The following COL5A1 variants were observed in gnomAD, a reference collection of about 807,000 sequenced individuals.
COL5A1 encodes the protein collagen type V alpha 1 chain.
A neutral mutation model predicts 263.7 loss-of-function variants in COL5A1; 16 were observed. That is an observed-to-expected ratio of 0.06 (90% CI 0.04 to 0.09). The LOEUF (loss-of-function observed/expected upper bound fraction) is 0.09. COL5A1 is among the 10% of genes least tolerant of loss of function. The pLI, the probability that COL5A1 is intolerant of heterozygous loss-of-function variation, is 1.00. For missense variants in COL5A1, 2,036 were observed against 2,540.5 expected, an observed-to-expected ratio of 0.80 and a Z score of 4.27; for synonymous variants, 1,012 against 1,004.5, an observed-to-expected ratio of 1.01 and a Z score of -0.14.
At position 134,763,755 on chromosome 9, in the gene COL5A1, G is replaced by GTGGGAC; in HGVS notation, c.2034+19_2034+24dup. ...GGGAGCCCGTAAGTCTGTGAGCTGA[G>GTGGGAC]TGGGACGGTGGGGGCTCAGTGTGGA... On this transcript the variant is annotated intron_variant, in intron 20 of 65. Coordinates refer to ENST00000371817, the MANE Select transcript of COL5A1 (RefSeq NM_000093.5). The GTGGGAC allele has an allele frequency of 6.2e-7, 1 of 1,611,992 alleles. No individual in the cohort carries two copies. Among genetic ancestry groups the GTGGGAC allele is most frequent in the Non-Finnish European group, 8.5e-7 (1 of 1,178,354 alleles).
rs1488821649 is a variant in COL5A1, at chr9:134,681,434, G to T, written c.110-9478G>T. ...CCTGCAGTTCACAGCCCGTGGAGGA[G>T]ACACACGCTGCCCATGGAACACACA... On this transcript the variant is annotated intron_variant, in intron 1 of 65. Coordinates refer to ENST00000371817, the MANE Select transcript of COL5A1 (RefSeq NM_000093.5). This position sits in a 1 kb window ranked among gnomAD's most constrained non-coding sequence, Gnocchi z 4.3. Among the ~76,000 whole-genome samples the T allele has an allele frequency of 6.6e-6, 1 of 152,242 alleles. No homozygotes were observed. Among genetic ancestry groups the T allele is most frequent in the Non-Finnish European group, 1.5e-5 (1 of 68,044 alleles).
intron 4 of COL5A1, among the ~76,000 whole-genome samples, chr9:134,711,330 C>T (rs1029465642): frequency 6.6e-6 from 1 of 152,060 alleles, no homozygotes; most frequent in Admixed American, 6.5e-5. Flanking sequence ...GTCGTATAGA[C>T]CGTGCGCCTG....
rs138436047 is a variant in COL5A1 at position 134,824,689 on chromosome 9, G to C, written c.4788G>C (p.Gly1596=). The C allele has an allele frequency of 2.1e-4, 347 of 1,614,240 alleles. No individual in the cohort carries two copies. The African/African-American group carries it at 4.2e-3, about 19-fold the overall frequency. The change falls in exon 62 of 66, where the codon GGG becomes GGC. Residue 1596 remains glycine (G), a synonymous_variant. Transcript: ENST00000371817. ...NIDASQLLDD[G]NGENYVDYAD... is the part of the protein sequence containing the mutation. ...ACGCCAGCCAGCTGCTGGACGACGG[G>C]AATGGCGAGAACTACGTGGACTACG... is the stretch of plus-strand genomic sequence containing the variant.
At position 134,683,018 on chromosome 9, in the gene COL5A1, C is replaced by T. The variant is rs778578151; in HGVS notation, c.110-7894C>T. ...GGCCTCGTAGGAGCGTGCGATCCCA[C>T]GGCCTCAGACCCGGCTTCCTTCCTG... On this transcript the variant is annotated intron_variant, in intron 1 of 65. Transcript: ENST00000371817. Among the ~76,000 whole-genome samples, 7 of 152,224 alleles carry T rather than the reference C, an allele frequency of 4.6e-5. No individual in the cohort carries two copies. The East Asian group carries it at 9.6e-4, about 21-fold the overall frequency.
In COL5A1 at chr9:134,677,363, G is replaced by A. The variant is rs1404129759; in HGVS notation, c.110-13549G>A. ...TGGTGGAGCTGCCCTTGGTTCTCAG[G>A]TACATCCTTGTGCTGGGTTCCACTG... On this transcript the variant is annotated intron_variant, in intron 1 of 65. Coordinates refer to ENST00000371817, the MANE Select transcript of COL5A1 (RefSeq NM_000093.5). The surrounding 1 kb of genome is among the most constrained non-coding windows in gnomAD (Gnocchi z 4.4). Among the ~76,000 whole-genome samples the A allele has an allele frequency of 6.6e-6, 1 of 152,056 alleles. No homozygotes were observed.
chr9:134,702,559 A>G (rs978202274), intron 4 of COL5A1, among the ~76,000 whole-genome samples: 5 of 152,146 alleles, frequency 3.3e-5, no homozygotes, highest in African/African-American at 1.2e-4. Context: ...CGCGAAGGAG[A>G]CATCACACGT....
rs972498552 is a variant in COL5A1 at position 134,798,161 on chromosome 9, T to C, written c.2899-247T>C. ...TCTTATGCCTCGGTTTCTCCCTTGGTAGATGAGGGTGACAACAGCACGTCC... is the reference window on the plus strand; with the variant it reads ...TCTTATGCCTCGGTTTCTCCCTTGGCAGATGAGGGTGACAACAGCACGTCC... On this transcript the variant is annotated intron_variant, in intron 36 of 65. Transcript: ENST00000371817. Among the ~76,000 whole-genome samples the C allele has an allele frequency of 1.8e-4, 27 of 152,196 alleles. No homozygotes were observed. The Middle Eastern group carries it at 0.014, about 77-fold the overall frequency.
chr9:134,818,610 G>T lies in COL5A1; in HGVS notation c.4231-46G>T, dbSNP rs766846300. ...GCAGTGGTCCTGGGCCAGGGTGCCT[G>T]GAGCCTAGAGCTCCGGACCTCATTC... On this transcript the variant is annotated intron_variant, in intron 54 of 65. Transcript: ENST00000371817. The surrounding 1 kb of genome is among the most constrained non-coding windows in gnomAD (Gnocchi z 6.0). The T allele has an allele frequency of 4.1e-6, 6 of 1,453,778 alleles. No individual in the cohort carries two copies. Among genetic ancestry groups the T allele is most frequent in the Non-Finnish European group, 5.7e-6 (6 of 1,050,156 alleles). 90.1% of individuals were successfully genotyped at this position (1,453,778 alleles called of 1,614,324 possible). A position where few individuals can be genotyped will look rare whatever the true frequency, so the allele number is the denominator to read the frequency against.
Position 134,738,901 on chromosome 9 carries a change from G to A in COL5A1, c.1494+93G>A, listed in dbSNP as rs975915024. 12 of 1,048,222 alleles carry A rather than the reference G, an allele frequency of 1.1e-5. No individual in the cohort carries two copies. The African/African-American group carries it at 1.9e-4, about 16-fold the overall frequency. The allele number at this position is 1,048,222 out of a possible 1,614,324, so 64.9% of individuals were successfully genotyped here. On this transcript the variant is annotated intron_variant, in intron 11 of 65. Coordinates refer to ENST00000371817, the MANE Select transcript of COL5A1 (RefSeq NM_000093.5). The stretch of plus-strand genomic sequence containing the variant: ...TGTGACCCGAGCTGTCCCTGCCTGT[G>A]GAGGTGACCCAGAGGCTTGTGTCTT...
intron 1 of COL5A1, among the ~76,000 whole-genome samples, chr9:134,685,595 CCATCCATCCAT>C (rs1453683813): frequency 6.8e-6 from 1 of 146,002 alleles, no homozygotes; most frequent in African/African-American, 2.6e-5. Context: ...CTCCATCCAT[CCATCCATCCAT>C]CATCCATCCA....
chr9:134,724,748 G>A (rs1247080747), intron 4 of COL5A1, among the ~76,000 whole-genome samples: 1 of 152,184 alleles, frequency 6.6e-6, no homozygotes, highest in Non-Finnish European at 1.5e-5. Flanking sequence ...GCGGCTGCAG[G>A]CCAGAGTCTT....
rs1046758816 is a variant in COL5A1, at chr9:134,647,978, T to G, written c.109+5682T>G. Among the ~76,000 whole-genome samples the G allele has an allele frequency of 6.6e-6, 1 of 152,176 alleles. No homozygotes were observed. Among genetic ancestry groups the G allele is most frequent in the African/African-American group, 2.4e-5 (1 of 41,446 alleles). ...CAAGTATTAATCCTGCGTGTGTCTA[T>G]GAGAGTGTTGCCAAAGGAGATTAAC... On this transcript the variant is annotated intron_variant, in intron 1 of 65. Coordinates refer to ENST00000371817, the MANE Select transcript of COL5A1 (RefSeq NM_000093.5). This position sits in a 1 kb window ranked among gnomAD's most constrained non-coding sequence, Gnocchi z 5.0.
intron 28 of COL5A1, among the ~76,000 whole-genome samples, chr9:134,780,584 G>A (rs984124366): frequency 4.6e-5 from 7 of 152,236 alleles, no homozygotes; most frequent in Admixed American, 3.9e-4. Context: ...GAAACTCACA[G>A]TGTGCAGCAG....
At chr9:134,747,174 C>T (rs370371487) in intron 11 of COL5A1, among the ~76,000 whole-genome samples, 1 of 152,184 alleles carries the variant, frequency 6.6e-6, no homozygotes, top group African/African-American at 2.4e-5. Context: ...TCTCCTTCTT[C>T]TAGGACTTCA....
At chr9:134,688,803 C>T (rs1019630575) in intron 1 of COL5A1, among the ~76,000 whole-genome samples, 1 of 152,172 alleles carries the variant, frequency 6.6e-6, no homozygotes, top group Non-Finnish European at 1.5e-5. Context: ...GAAATGACAC[C>T]GTCAGAGGCA....
intron 49 of COL5A1, 80 bp downstream of exon 49, chr9:134,814,116 C>A: frequency 7.1e-7 from 1 of 1,411,790 alleles, no homozygotes; most frequent in Non-Finnish European, 9.8e-7. Flanking sequence ...GAGGCTCTGG[C>A]TCTGCCTTAG....
chr9:134,785,938 G>A, intron 30 of COL5A1, 57 bp from the exon 31 acceptor site: 1 of 1,513,792 alleles, frequency 6.6e-7, no homozygotes, highest in Non-Finnish European at 9.1e-7. Context: ...CTCTGCTCCG[G>A]GGAAACGGAT....
intron 33 of COL5A1, 48 bp downstream of exon 33, chr9:134,795,174 G>A: frequency 6.2e-7 from 1 of 1,613,808 alleles, no homozygotes; most frequent in Non-Finnish European, 8.5e-7. Flanking sequence ...CGGGAGCATG[G>A]TTTAGGGAGC....
chr9:134,765,711 C>A lies in COL5A1; in HGVS notation c.2065C>A (p.Pro689Thr). 2 of 1,612,854 alleles carry A rather than the reference C, an allele frequency of 1.2e-6. No individual in the cohort carries two copies. Among genetic ancestry groups the A allele is most frequent in the South Asian group, 1.1e-5 (1 of 90,950 alleles). ...GPRGLLGPKG[P>T]PGPPGPPGVT... ...ACGTGGTCTGCTTGGGCCGAAGGGG[C>A]CCCCAGGTCCTCCCGGACCTCCCGT... The change falls in exon 21 of 66, where the codon CCC becomes ACC. Residue 689 changes from proline (P) to threonine (T), a missense_variant. Pro to Thr is a conservative substitution (Grantham distance 38). Coordinates refer to ENST00000371817, the MANE Select transcript of COL5A1 (RefSeq NM_000093.5). This position sits in a 1 kb window ranked among gnomAD's most constrained non-coding sequence, Gnocchi z 5.1.
Sources: allele counts gnomAD v4.1 joint callset (sites outside exome capture counted in the v4.1 genomes callset), GRCh38; gene constraint gnomAD v4.1.1; non-coding constraint Gnocchi (gnomAD v3.1); transcripts MANE v1.5; gene names NCBI Gene and HGNC (gene_info 2026-07-23, HGNC 2026-07-21).